Variants in GOLIM4 observed in about 807,000 individuals in gnomAD.
The protein encoded by GOLIM4 is 130 kDa golgi-localized phosphoprotein.
A neutral mutation model predicts 107.4 loss-of-function variants in GOLIM4; 71 were observed. The ratio of observed to expected loss-of-function variants is 0.66; its 90% CI spans 0.55 to 0.81. GOLIM4 has a LOEUF of 0.81. Ranked by LOEUF, GOLIM4 falls within the 30% of genes least tolerant of loss-of-function variation. The pLI is 0.00. For missense variants in GOLIM4, 830 were observed against 826.1 expected (o/e 1.00, Z -0.06); for synonymous variants, 327 against 294.8 (o/e 1.11, Z -1.12).
chr3:168,034,791 C>G (rs773512936), intron 8 of GOLIM4, among the ~76,000 whole-genome samples: 16 of 152,184 alleles, frequency 1.1e-4, no homozygotes, highest in Non-Finnish European at 1.9e-4. Flanking sequence ...ACAAGTTTCA[C>G]AAGATCTGAT....
At chr3:168,064,303 G>A (rs983146087) in intron 1 of GOLIM4, among the ~76,000 whole-genome samples, 4 of 152,150 alleles carry the variant, frequency 2.6e-5, no homozygotes, top group African/African-American at 7.2e-5. Context: ...TTGTCATCTC[G>A]AGTCTGGTAC....
At chr3:168,021,291 G>A (rs1366542584) in intron 14 of GOLIM4, among the ~76,000 whole-genome samples, 2 of 152,188 alleles carry the variant, frequency 1.3e-5, no homozygotes, top group Non-Finnish European at 2.9e-5. Flanking sequence ...GAGATAGATA[G>A]AATGTGATGA....
chr3:168,057,779 A>G (rs529754875), intron 1 of GOLIM4, among the ~76,000 whole-genome samples: 1 of 152,210 alleles, frequency 6.6e-6, no homozygotes, highest in Admixed American at 6.5e-5. Flanking sequence ...TTTCCTTTTC[A>G]TCTATATCCT....
At position 168,059,745 on chromosome 3, in the gene GOLIM4, G is replaced by A. The variant is rs543596340; in HGVS notation, c.188-11380C>T. Among the ~76,000 whole-genome samples the A allele has an allele frequency of 4.6e-5, 7 of 152,304 alleles. 1 individual carries two copies. The highest frequency in any genetic ancestry group is 8.8e-5 in the Non-Finnish European group (6 of 68,020). On this transcript the variant is annotated intron_variant, in intron 1 of 15. Coordinates refer to ENST00000470487, the MANE Select transcript of GOLIM4 (RefSeq NM_014498.5). ...AAAGAGATCGAAAGAGACTGGAGGC[G>A]TGGGGAGAATGGGCCAGGCTGCATT...
At chr3:168,089,306 G>T (rs907192721) in intron 1 of GOLIM4, among the ~76,000 whole-genome samples, 1 of 152,152 alleles carries the variant, frequency 6.6e-6, no homozygotes, top group Non-Finnish European at 1.5e-5. Flanking sequence ...CATGTTTTAA[G>T]TTCTAACGCT....
Position 168,024,523 on chromosome 3 carries a change from T to C in GOLIM4, c.1860+3A>G. On this transcript the variant is annotated splice_donor_region_variant and intron_variant, in intron 14 of 15. Transcript: ENST00000470487. Reference sequence around the variant, plus strand: ...TCAGTCTCTGGGATTCAATCCTTACTACCTCCTCTTCTGCCTCTTCCTGGT... The same window carrying C: ...TCAGTCTCTGGGATTCAATCCTTACCACCTCCTCTTCTGCCTCTTCCTGGT... 6.3e-7 allele frequency: 1 copy of C among 1,597,866 alleles called. No individual in the cohort carries two copies. Among genetic ancestry groups the C allele is most frequent in the Non-Finnish European group, 8.6e-7 (1 of 1,165,114 alleles).
At chr3:168,054,271 C>T (rs1319602764) in intron 1 of GOLIM4, among the ~76,000 whole-genome samples, 1 of 152,226 alleles carries the variant, frequency 6.6e-6, no homozygotes, top group Non-Finnish European at 1.5e-5. Flanking sequence ...AGTGGCTTCT[C>T]ACCACATCGG....
In GOLIM4 at chr3:168,029,095, T is replaced by A. The variant is rs559613599; in HGVS notation, c.1513+128A>T. 6.8e-5 allele frequency: 38 copies of A among 562,294 alleles called. 1 individual carries two copies. In the South Asian group the frequency reaches 8.9e-4, roughly 13 times the overall value. 34.8% of individuals were successfully genotyped at this position (562,294 alleles called of 1,614,324 possible). On this transcript the variant is annotated intron_variant, in intron 11 of 15. Coordinates refer to ENST00000470487, the MANE Select transcript of GOLIM4 (RefSeq NM_014498.5). ...TAAGAGGATTAAGAAAAAGACATGA[T>A]TCACAAACCTCCTTTGCACTTAGGT...
At chr3:168,027,034 A>G (rs1165126480) in intron 12 of GOLIM4, among the ~76,000 whole-genome samples, 1 of 152,264 alleles carries the variant, frequency 6.6e-6, no homozygotes, top group Non-Finnish European at 1.5e-5. Context: ...GCATACACGC[A>G]GGAACAGACT....
chr3:168,072,512 A>T (rs1720884385), intron 1 of GOLIM4, among the ~76,000 whole-genome samples: 1 of 152,208 alleles, frequency 6.6e-6, no homozygotes, highest in Admixed American at 6.5e-5. Flanking sequence ...AAAGTTCAAC[A>T]GAAAACTTAA....
intron 14 of GOLIM4, among the ~76,000 whole-genome samples, chr3:168,013,069 G>GC (rs1407060949): frequency 2.0e-5 from 3 of 150,568 alleles, no homozygotes; most frequent in South Asian, 2.1e-4. Context: ...TGGACTAAAT[G>GC]CTCCAATTAA....
rs1202407355 is a variant in GOLIM4 at position 168,025,078 on chromosome 3, A to G, written c.1641T>C (p.Asp547=). 6.2e-7 allele frequency: 1 copy of G among 1,613,568 alleles called. No homozygotes were observed. Among genetic ancestry groups the G allele is most frequent in the Admixed American group, 1.7e-5 (1 of 59,968 alleles). Residue 547 remains aspartate, a synonymous_variant, in exon 13 of 16, where the codon GAT becomes GAC. Coordinates refer to ENST00000470487, the MANE Select transcript of GOLIM4 (RefSeq NM_014498.5). ...ESEADRAAVE[D]INPADDPNNQ... ...TATTAGGGTCATCTGCTGGGTTTAT[A>G]TCTTCTACAGCTGCCCTCTGTAAAA...
Position 168,030,039 on chromosome 3 carries a change from A to G in GOLIM4, c.1177-3T>C, listed in dbSNP as rs944799716. 66 of 1,613,230 alleles carry G rather than the reference A, an allele frequency of 4.1e-5. No homozygotes were observed. Among genetic ancestry groups the G allele is most frequent in the Non-Finnish European group, 5.5e-5 (65 of 1,179,352 alleles). ...ATTGGCTTGGCTGAAGGGTACACCTAGGGTGAAAAAGAGTTGGTGCAGAGC... is the reference window on the plus strand; with the variant it reads ...ATTGGCTTGGCTGAAGGGTACACCTGGGGTGAAAAAGAGTTGGTGCAGAGC... On this transcript the variant is annotated splice_polypyrimidine_tract_variant and splice_region_variant and intron_variant, in intron 9 of 15. Transcript: ENST00000470487.
intron 8 of GOLIM4, among the ~76,000 whole-genome samples, chr3:168,033,601 C>T (rs1195795251): frequency 1.4e-5 from 1 of 70,058 alleles, no homozygotes; most frequent in East Asian, 4.7e-4. Context: ...AGCAAGACTC[C>T]GTCTCAAAAA....
At chr3:168,041,131 A>G (rs1235225560) in intron 6 of GOLIM4, 5 of 509,916 alleles carry the variant, frequency 9.8e-6, no homozygotes, top group South Asian at 6.4e-5. Context: ...TTATTAGTAA[A>G]CTTTTATAAA....
intron 1 of GOLIM4, among the ~76,000 whole-genome samples, chr3:168,050,853 AT>A (rs1719595750): frequency 2.0e-5 from 3 of 148,224 alleles, no homozygotes; most frequent in South Asian, 2.1e-4. Flanking sequence ...AATAATAATA[AT>A]AATAATAATA....
At chr3:168,082,680 T>C (rs1721433873) in intron 1 of GOLIM4, among the ~76,000 whole-genome samples, 1 of 151,984 alleles carries the variant, frequency 6.6e-6, no homozygotes, top group South Asian at 2.1e-4. Flanking sequence ...AAAGAGAAAG[T>C]AGAGAAGAGA....
intron 1 of GOLIM4, among the ~76,000 whole-genome samples, chr3:168,094,544 A>G (rs1413264698): frequency 1.3e-5 from 2 of 152,230 alleles, no homozygotes; most frequent in African/African-American, 4.8e-5. Flanking sequence ...AAGAAATAAG[A>G]AACTAGCAGG....
intron 14 of GOLIM4, among the ~76,000 whole-genome samples, chr3:168,018,342 C>T (rs752993946): frequency 2.6e-5 from 4 of 152,142 alleles, no homozygotes; most frequent in Non-Finnish European, 5.9e-5. Context: ...ACTGCAGCCT[C>T]ACAGAAGAGC....
Sources: gnomAD v4.1 joint callset for allele counts (sites outside exome capture counted in the v4.1 genomes callset) on GRCh38, gnomAD v4.1.1 for gene constraint, MANE v1.5 for transcripts, NCBI Gene and HGNC (gene_info 2026-07-23, HGNC 2026-07-21) for gene names.